The following TTC8 variants were observed in gnomAD, a reference collection of about 807,000 sequenced individuals.
TTC8 encodes tetratricopeptide repeat domain 8.
Under a neutral mutation model 72.5 loss-of-function variants are expected in TTC8, and 47 were observed. The ratio of observed to expected loss-of-function variants is 0.65; its 90% CI spans 0.51 to 0.83. The LOEUF is 0.83. Among genes scored for constraint, TTC8 ranks in the 40% least tolerant of loss-of-function variants. The probability of loss-of-function intolerance (pLI) is 0.00; values close to 1 mark genes in which losing one functional copy is unlikely to be tolerated. For synonymous variants in TTC8, 199 were observed against 221.4 expected (o/e 0.90, Z 0.90); for missense variants, 611 against 623.2 (o/e 0.98, Z 0.21).
rs1266741578 is a variant in TTC8, at chr14:88,877,477, G to A, written c.*67G>A. On this transcript the variant is annotated 3_prime_UTR_variant, in exon 15 of 15. Transcript: ENST00000380656. ...GCAAGGGGAAAAAAGCACTATGTCTGTGTATGTATGTATATAGTGTAATAC... is the reference window on the plus strand; with the variant it reads ...GCAAGGGGAAAAAAGCACTATGTCTATGTATGTATGTATATAGTGTAATAC... 4.9e-6 allele frequency: 6 copies of A among 1,221,614 alleles called. No homozygotes were observed. The highest frequency in any genetic ancestry group is 7.3e-6 in the Non-Finnish European group (6 of 822,998). 75.7% of individuals were successfully genotyped at this position (1,221,614 alleles called of 1,614,324 possible). A position where few individuals can be genotyped will look rare whatever the true frequency, so the allele number is the denominator to read the frequency against.
chr14:88,833,697 C>A lies in TTC8; in HGVS notation c.119C>A (p.Pro40Gln), dbSNP rs954462139. ...TGCCTTCTTAATGCTTTCCAGGAAC[C>A]AGATCCTGAATTGCCAGTGCATCAG... ...MLEKSPYDQE[P>Q]DPELPVHQAA... The change falls in exon 2 of 15, where the codon CCA becomes CAA. Residue 40 changes from proline (P) to glutamine (Q), a missense_variant. Transcript: ENST00000380656. The A allele has an allele frequency of 2.5e-6, 4 of 1,613,454 alleles. No individual in the cohort carries two copies. Among genetic ancestry groups the A allele is most frequent in the Non-Finnish European group, 3.4e-6 (4 of 1,179,676 alleles).
intron 6 of TTC8, 66 bp from the exon 7 acceptor site, chr14:88,843,740 G>A: frequency 8.5e-7 from 1 of 1,174,354 alleles, no homozygotes; most frequent in South Asian, 1.4e-5. Flanking sequence ...GGGCTTTAGA[G>A]TACTTTTGTT....
rs184837898 is a variant in TTC8 at position 88,869,921 on chromosome 14, A to G, written c.910-138A>G. On this transcript the variant is annotated intron_variant, in intron 10 of 14. Transcript: ENST00000380656. ...CTCTTTTTGTTCATATTGTATCCCC[A>G]GGGTCTAGAATGGAGTCTGGCACAT... 26 of 823,834 alleles carry G rather than the reference A, an allele frequency of 3.2e-5. No homozygotes were observed. In the East Asian group the frequency reaches 6.1e-4, roughly 19 times the overall value. The allele number at this position is 823,834 out of a possible 1,614,324, so 51.0% of individuals were successfully genotyped here.
Position 88,857,122 on chromosome 14 carries a change from A to C in TTC8, c.711-68A>C, listed in dbSNP as rs976342459. The C allele has an allele frequency of 3.7e-6, 5 of 1,358,334 alleles. No individual in the cohort carries two copies. In the African/African-American group the frequency reaches 7.1e-5, roughly 19 times the overall value. 84.1% of individuals were successfully genotyped at this position (1,358,334 alleles called of 1,614,324 possible). ...TTCCTCTTATAATTTGTCTCTATTC[A>C]TCCTCAGGGTATGATGTAGTGTTTA... On this transcript the variant is annotated intron_variant, in intron 8 of 14. Transcript: ENST00000380656.
chr14:88,840,908 A>G lies in TTC8; in HGVS notation c.309A>G (p.Gly103=). Residue 103 remains glycine (G), a synonymous_variant, in exon 4 of 15, where the codon GGA becomes GGG. Transcript: ENST00000380656. ...SLKLPGTNQT[G]GPSQAVRPIT... ...AACTCCCTGGAACTAATCAGACAGG[A>G]GGGCCTAGCCAGGCCGTTAGGTATG... 1 of 1,614,130 alleles carries G rather than the reference A, an allele frequency of 6.2e-7. No homozygotes were observed. The highest frequency in any genetic ancestry group is 8.5e-7 in the Non-Finnish European group (1 of 1,179,998).
At position 88,844,616 on chromosome 14, in the gene TTC8, C is replaced by T. The variant is rs111587329; in HGVS notation, c.624+766C>T. ...CTGGAATGCAGTGGTATTATCACGG[C>T]TCACTGTAGCCTTGACTTCCCAGGC... On this transcript the variant is annotated intron_variant, in intron 7 of 14. Transcript: ENST00000380656. Among the ~76,000 whole-genome samples the T allele has an allele frequency of 2.0e-3, 306 of 152,036 alleles. 2 individuals carry two copies. The highest frequency in any genetic ancestry group is 3.1e-3 in the Non-Finnish European group (210 of 67,972).
chr14:88,863,737 C>T (rs913008223), intron 10 of TTC8, among the ~76,000 whole-genome samples: 11 of 152,158 alleles, frequency 7.2e-5, no homozygotes, highest in Admixed American at 6.5e-4. Context: ...TGTATTCCTA[C>T]GTATAAGTAT....
intron 7 of TTC8, among the ~76,000 whole-genome samples, chr14:88,847,609 A>C (rs1040146415): frequency 3.9e-5 from 6 of 152,204 alleles, no homozygotes; most frequent in African/African-American, 1.4e-4. Flanking sequence ...TTAGATATTT[A>C]ATCAATGAAG....
intron 7 of TTC8, among the ~76,000 whole-genome samples, chr14:88,850,796 C>G (rs1318242855): frequency 2.6e-5 from 4 of 152,188 alleles, no homozygotes; most frequent in Non-Finnish European, 4.4e-5. Context: ...AGTCAATATG[C>G]GTGACCTCGG....
At chr14:88,831,928 A>ATG (rs1160558636) in intron 1 of TTC8, among the ~76,000 whole-genome samples, 2 of 152,156 alleles carry the variant, frequency 1.3e-5, no homozygotes, top group Non-Finnish European at 2.9e-5. Context: ...TTTGACCACA[A>ATG]TGTGAGTATA....
intron 8 of TTC8, among the ~76,000 whole-genome samples, chr14:88,853,989 A>G (rs905804322): frequency 1.2e-4 from 19 of 152,294 alleles, no homozygotes; most frequent in African/African-American, 4.3e-4. Context: ...GAGAAAAAAG[A>G]AGACTATAAA....
rs768419555 is a variant in TTC8 at position 88,853,040 on chromosome 14, G to A, written c.694G>A (p.Gly232Arg). Residue 232 changes from glycine (G) to arginine (R), a missense_variant, in exon 8 of 15, where the codon GGA (glycine) becomes AGA (arginine). Physicochemically the swap from Gly to Arg is moderately radical, Grantham distance 125. Coordinates refer to ENST00000380656, the MANE Select transcript of TTC8 (RefSeq NM_144596.4). ...YKDWWWKVQI[G>R]KCYYRLGMYR... is the part of the protein sequence containing the mutation. ...GGACTGGTGGTGGAAAGTACAGATTGGAAAATGTTACTACAGGTAAATTTC... is the reference window on the plus strand; with the variant it reads ...GGACTGGTGGTGGAAAGTACAGATTAGAAAATGTTACTACAGGTAAATTTC... 1 of 1,612,996 alleles carries A rather than the reference G, an allele frequency of 6.2e-7. No individual in the cohort carries two copies. Among genetic ancestry groups the A allele is most frequent in the South Asian group, 1.1e-5 (1 of 91,070 alleles).
chr14:88,824,651 A>T lies in TTC8; in HGVS notation c.-57A>T, dbSNP rs924744214. 2 of 1,448,846 alleles carry T rather than the reference A, an allele frequency of 1.4e-6. No individual in the cohort carries two copies. Among genetic ancestry groups the T allele is most frequent in the South Asian group, 2.4e-5 (2 of 82,432 alleles). 89.7% of individuals were successfully genotyped at this position (1,448,846 alleles called of 1,614,324 possible). A position where few individuals can be genotyped will look rare whatever the true frequency, so the allele number is the denominator to read the frequency against. On this transcript the variant is annotated 5_prime_UTR_variant, in exon 1 of 15. Coordinates refer to ENST00000380656, the MANE Select transcript of TTC8 (RefSeq NM_144596.4). ...CAGAGTCGGACGCCGCCAGCTCTTCACTCCACGCCCACCTCTCTCCTGGAG... is the reference window on the plus strand; with the variant it reads ...CAGAGTCGGACGCCGCCAGCTCTTCTCTCCACGCCCACCTCTCTCCTGGAG...
At position 88,857,255 on chromosome 14, in the gene TTC8, A is replaced by T. The variant is rs2141007421; in HGVS notation, c.776A>T (p.Asp259Val). Reference sequence around the variant, plus strand: ...GCCCTGAAGCAGCAGGAAATGGTAGATACATTTCTGTACTTGGCAAAAGTA... The same window carrying T: ...GCCCTGAAGCAGCAGGAAATGGTAGTTACATTTCTGTACTTGGCAAAAGTA... ...KSALKQQEMVDTFLYLAKVYV... is the reference protein window; with the variant it reads ...KSALKQQEMVVTFLYLAKVYV... Residue 259 changes from aspartate to valine, a missense_variant, in exon 9 of 15, where the codon GAT becomes GTT. Asp to Val is a radical substitution (Grantham distance 152). Coordinates refer to ENST00000380656, the MANE Select transcript of TTC8 (RefSeq NM_144596.4). 1 of 1,613,812 alleles carries T rather than the reference A, an allele frequency of 6.2e-7. No homozygotes were observed. Among genetic ancestry groups the T allele is most frequent in the Non-Finnish European group, 8.5e-7 (1 of 1,179,788 alleles).
chr14:88,844,890 C>T (rs1595947609), intron 7 of TTC8, among the ~76,000 whole-genome samples: 1 of 152,058 alleles, frequency 6.6e-6, no homozygotes, highest in South Asian at 2.1e-4. Context: ...ACTAGCTATA[C>T]ACTAGGAGAA....
chr14:88,842,584 T>C (rs919272969), intron 6 of TTC8, among the ~76,000 whole-genome samples: 29 of 152,242 alleles, frequency 1.9e-4, no homozygotes, highest in Admixed American at 1.8e-3. Context: ...TTGAAGGGAC[T>C]GTCTGGCTAG....
At chr14:88,838,233 C>T (rs1454413630) in intron 2 of TTC8, among the ~76,000 whole-genome samples, 1 of 152,186 alleles carries the variant, frequency 6.6e-6, no homozygotes, top group Non-Finnish European at 1.5e-5. Context: ...ACACTTGTCA[C>T]CTGTCATATT....
At chr14:88,837,044 A>G (rs1364257179) in intron 2 of TTC8, 2 of 276,156 alleles carry the variant, frequency 7.2e-6, no homozygotes, top group Non-Finnish European at 1.4e-5. Flanking sequence ...TTGGGCAACA[A>G]GAGCAAAACT....
rs561463394 is a variant in TTC8, at chr14:88,871,923, A to T, written c.1224+200A>T. ...AAAAATTAGCTGGGTGTGGTAGTGCACATCTGTAGTCCCAGCTACTCTGAG... is the reference window on the plus strand; with the variant it reads ...AAAAATTAGCTGGGTGTGGTAGTGCTCATCTGTAGTCCCAGCTACTCTGAG... On this transcript the variant is annotated intron_variant, in intron 12 of 14. Transcript: ENST00000380656. This position sits in a 1 kb window ranked among gnomAD's most constrained non-coding sequence, Gnocchi z 4.1. Among the ~76,000 whole-genome samples the T allele has an allele frequency of 6.6e-6, 1 of 152,208 alleles. No homozygotes were observed. The highest frequency in any genetic ancestry group is 2.1e-4 in the South Asian group (1 of 4,816).
Sources: gnomAD v4.1 joint callset for allele counts (sites outside exome capture counted in the v4.1 genomes callset) on GRCh38, gnomAD v4.1.1 for gene constraint, Gnocchi (gnomAD v3.1) non-coding constraint, MANE v1.5 for transcripts, NCBI Gene and HGNC (gene_info 2026-07-23, HGNC 2026-07-21) for gene names.